VPS13B: variants seen among roughly 807,000 people sequenced by gnomAD.
VPS13B encodes the protein intermembrane lipid transfer protein VPS13B.
In VPS13B, 285 loss-of-function variants were observed where a neutral mutation model predicts 426.4. The ratio of observed to expected loss-of-function variants is 0.67; its 90% CI spans 0.61 to 0.74. The LOEUF is 0.74. VPS13B is among the 30% of genes least tolerant of loss of function. VPS13B has a pLI of 0.00. For missense variants in VPS13B, 4,537 were observed against 4,782.6 expected (o/e 0.95, Z 1.51); for synonymous variants, 1,676 against 1,676.4 (o/e 1.00, Z 0.01).
chr8:99,828,404 T>TTG (rs1814841726), intron 51 of VPS13B, among the ~76,000 whole-genome samples: 1 of 37,224 alleles, frequency 2.7e-5, no homozygotes, highest in African/African-American at 1.1e-4. Context: ...GTTTTTTTTT[T>TTG]TTTTTTTTTT....
chr8:99,518,583 A>G (rs573110031), intron 29 of VPS13B, among the ~76,000 whole-genome samples: 4 of 151,664 alleles, frequency 2.6e-5, no homozygotes, highest in African/African-American at 9.7e-5. Context: ...CCACCTTCCT[A>G]CTATTTTGCC....
chr8:99,509,469 T>TATTA (rs1478201718), intron 28 of VPS13B, among the ~76,000 whole-genome samples: 1 of 152,128 alleles, frequency 6.6e-6, no homozygotes, highest in Non-Finnish European at 1.5e-5. Flanking sequence ...TCCTTCATTA[T>TATTA]AAAGTCTAAA....
chr8:99,203,046 CAAAA>C (rs55927083), intron 17 of VPS13B, among the ~76,000 whole-genome samples: 30 of 136,534 alleles, frequency 2.2e-4, no homozygotes, highest in Non-Finnish European at 2.8e-4. Flanking sequence ...GAGACTGTCT[CAAAA>C]AAAAAAAAAA....
intron 24 of VPS13B, among the ~76,000 whole-genome samples, chr8:99,473,651 G>T (rs575384244): frequency 6.6e-6 from 1 of 152,220 alleles, no homozygotes; most frequent in African/African-American, 2.4e-5. Flanking sequence ...TCATACTAGA[G>T]TTCCTAACCA....
At chr8:99,178,279 G>A (rs1181377941) in intron 16 of VPS13B, among the ~76,000 whole-genome samples, 1 of 151,586 alleles carries the variant, frequency 6.6e-6, no homozygotes. Flanking sequence ...CTAGCATTAG[G>A]TATATCTCCC....
chr8:99,652,904 T>C (rs1252174908), intron 34 of VPS13B, among the ~76,000 whole-genome samples: 2 of 152,128 alleles, frequency 1.3e-5, no homozygotes, highest in Non-Finnish European at 2.9e-5. Flanking sequence ...ATCTCTTAAA[T>C]GAGAGGCATT....
At chr8:99,066,089 T>C (rs1049078349) in intron 3 of VPS13B, among the ~76,000 whole-genome samples, 23 of 152,220 alleles carry the variant, frequency 1.5e-4, no homozygotes, top group Non-Finnish European at 2.8e-4. Context: ...AGGTAATTTA[T>C]AGATTCAATG....
At chr8:99,081,226 G>C (rs1320483326) in intron 3 of VPS13B, among the ~76,000 whole-genome samples, 1 of 152,074 alleles carries the variant, frequency 6.6e-6, no homozygotes, top group African/African-American at 2.4e-5. Context: ...ATCTGCCTCT[G>C]CCAGGTTTTA....
chr8:99,075,157 A>G (rs1001833083), intron 3 of VPS13B, among the ~76,000 whole-genome samples: 3 of 152,136 alleles, frequency 2.0e-5, no homozygotes, highest in Non-Finnish European at 2.9e-5. Flanking sequence ...CTTGTTACAC[A>G]TTATTGATGT....
At chr8:99,456,711 A>C (rs1818479673) in intron 23 of VPS13B, among the ~76,000 whole-genome samples, 1 of 152,160 alleles carries the variant, frequency 6.6e-6, no homozygotes, top group Non-Finnish European at 1.5e-5. Flanking sequence ...CTAAATTTTT[A>C]AAGGATTTCT....
At chr8:99,429,750 C>G (rs921130116) in intron 21 of VPS13B, 5 of 152,196 alleles carry the variant, frequency 3.3e-5, no homozygotes, top group Admixed American at 2.0e-4. Flanking sequence ...CCTTTTTCAA[C>G]ACTGGATACA....
At chr8:99,418,878 G>C (rs1816223715) in intron 21 of VPS13B, among the ~76,000 whole-genome samples, 1 of 152,186 alleles carries the variant, frequency 6.6e-6, no homozygotes, top group South Asian at 2.1e-4. Context: ...TCTTCTAGAT[G>C]GCTTGGTGTT....
intron 19 of VPS13B, among the ~76,000 whole-genome samples, chr8:99,326,168 C>G (rs1043267268): frequency 2.0e-5 from 3 of 152,012 alleles, no homozygotes; most frequent in African/African-American, 7.2e-5. Context: ...GAGATAGTGA[C>G]TCAAATAATT....
intron 17 of VPS13B, among the ~76,000 whole-genome samples, chr8:99,207,982 G>A (rs1814826587): frequency 6.6e-6 from 1 of 152,160 alleles, no homozygotes; most frequent in African/African-American, 2.4e-5. Flanking sequence ...AAATGGACAA[G>A]AGTTAATTAC....
chr8:99,233,209 C>T (rs993223799), intron 17 of VPS13B: 18 of 1,370,458 alleles, frequency 1.3e-5, no homozygotes, highest in East Asian at 1.1e-4. Flanking sequence ...CGTTTGGTCA[C>T]GAGGCACAAT....
At chr8:99,744,941 G>A (rs1270403626) in intron 39 of VPS13B, among the ~76,000 whole-genome samples, 1 of 151,676 alleles carries the variant, frequency 6.6e-6, no homozygotes, top group Non-Finnish European at 1.5e-5. Flanking sequence ...TGCACAATGT[G>A]CACATGTACC....
At chr8:99,042,315 T>C (rs1180011552) in intron 3 of VPS13B, among the ~76,000 whole-genome samples, 1 of 152,176 alleles carries the variant, frequency 6.6e-6, no homozygotes, top group East Asian at 1.9e-4. Context: ...CAAGTTTCAT[T>C]TTATTTCTTT....
chr8:99,306,064 G>A (rs1200163689), intron 19 of VPS13B, among the ~76,000 whole-genome samples: 5 of 152,048 alleles, frequency 3.3e-5, no homozygotes, highest in Admixed American at 1.3e-4. Flanking sequence ...TATGTTTGGC[G>A]CATTGGTTGT....
At chr8:99,442,181 G>A (rs540373495) in intron 22 of VPS13B, among the ~76,000 whole-genome samples, 1 of 152,078 alleles carries the variant, frequency 6.6e-6, no homozygotes, top group East Asian at 1.9e-4. Flanking sequence ...ACTGTGGAAG[G>A]GCAGATCATC....
Sources: gnomAD v4.1 joint callset for allele counts (sites outside exome capture counted in the v4.1 genomes callset) on GRCh38, gnomAD v4.1.1 for gene constraint, MANE v1.5 for transcripts, NCBI Gene and HGNC (gene_info 2026-07-23, HGNC 2026-07-21) for gene names.